The following OR51B5 variants were observed in gnomAD, a reference collection of about 807,000 sequenced individuals.
OR51B5 encodes olfactory receptor family 51 subfamily B member 5.
For synonymous variants in OR51B5, 186 were observed against 144.8 expected, an observed-to-expected ratio of 1.28 and a Z score of -2.04; for missense variants, 456 against 374.6, an observed-to-expected ratio of 1.22 and a Z score of -1.79.
At chr11:5,415,629 C>G (rs1174202943) in intron 1 of OR51B5, among the ~76,000 whole-genome samples, 3 of 152,200 alleles carry the variant, frequency 2.0e-5, no homozygotes, top group Non-Finnish European at 4.4e-5. Flanking sequence ...AAACCACCAT[C>G]AGAGAATACT....
At chr11:5,467,554 T>G (rs1166414722) in intron 1 of OR51B5, among the ~76,000 whole-genome samples, 1 of 152,228 alleles carries the variant, frequency 6.6e-6, no homozygotes, top group Non-Finnish European at 1.5e-5. Flanking sequence ...AAAGTCCACA[T>G]ATCATTCTTT....
At chr11:5,389,799 G>C (rs377036532) in intron 1 of OR51B5, 9 of 1,613,848 alleles carry the variant, frequency 5.6e-6, no homozygotes, top group Non-Finnish European at 7.6e-6. Context: ...TCCTTTGACC[G>C]CCTTGTGGCC....
rs1449689305 is a variant in OR51B5 at position 5,489,582 on chromosome 11, T to A, written n.84+15987A>T. On this transcript the variant is annotated intron_variant and non_coding_transcript_variant, in intron 1 of 4. Coordinates refer to the OR51B5 transcript ENST00000415970. ...ATGTGCTGGTGCCTCCTGTACTCAATCCTATTCTCTATGGAGCTAGAACCA... is the reference window on the plus strand; with the variant it reads ...ATGTGCTGGTGCCTCCTGTACTCAAACCTATTCTCTATGGAGCTAGAACCA... The A allele has an allele frequency of 1.7e-5, 27 of 1,613,936 alleles. No homozygotes were observed. The highest frequency in any genetic ancestry group is 2.7e-5 in the African/African-American group (2 of 74,916).
intron 1 of OR51B5, chr11:5,352,565 C>T: frequency 1.5e-6 from 1 of 648,240 alleles, no homozygotes; most frequent in South Asian, 1.9e-5. Flanking sequence ...CTGAGCATTT[C>T]AGTGGAAATC....
chr11:5,487,099 ACT>A (rs1198193407), intron 1 of OR51B5, among the ~76,000 whole-genome samples: 2 of 152,118 alleles, frequency 1.3e-5, no homozygotes, highest in African/African-American at 4.8e-5. Context: ...AAAACGCCAA[ACT>A]CTGAATCAAG....
intron 1 of OR51B5, among the ~76,000 whole-genome samples, chr11:5,468,266 G>C (rs2133799088): frequency 6.6e-6 from 1 of 152,364 alleles, no homozygotes; most frequent in Non-Finnish European, 1.5e-5. Flanking sequence ...TCTGAGAGAA[G>C]TCACTTGTGG....
intron 1 of OR51B5, among the ~76,000 whole-genome samples, chr11:5,373,073 T>G (rs1001934513): frequency 6.6e-6 from 1 of 152,200 alleles, no homozygotes; most frequent in Non-Finnish European, 1.5e-5. Flanking sequence ...AGGGGAAGGA[T>G]AGTCTCCTCA....
intron 1 of OR51B5, among the ~76,000 whole-genome samples, chr11:5,378,029 CT>C (rs146072806): frequency 0.24 from 35,848 of 151,890 alleles, 4,448 homozygotes; most frequent in Non-Finnish European, 0.26. Flanking sequence ...AAGAACAAAG[CT>C]GGAGGCATCA....
intron 1 of OR51B5, among the ~76,000 whole-genome samples, chr11:5,470,001 A>G (rs552635539): frequency 1.3e-5 from 2 of 152,302 alleles, no homozygotes; most frequent in Non-Finnish European, 2.9e-5. Flanking sequence ...AGAATGTCAC[A>G]TTCCTCCACA....
At chr11:5,396,848 A>T (rs1849880236) in intron 1 of OR51B5, among the ~76,000 whole-genome samples, 1 of 152,234 alleles carries the variant, frequency 6.6e-6, no homozygotes, top group Non-Finnish European at 1.5e-5. Context: ...ACTGGTACCA[A>T]AACAGAGATA....
At chr11:5,496,011 C>A (rs1851645698) in intron 1 of OR51B5, among the ~76,000 whole-genome samples, 1 of 152,074 alleles carries the variant, frequency 6.6e-6, no homozygotes, top group South Asian at 2.1e-4. Flanking sequence ...AGCAACCCAC[C>A]CCTCACCAAG....
chr11:5,441,553 G>A, intron 1 of OR51B5: 1 of 1,488,874 alleles, frequency 6.7e-7, no homozygotes, highest in Middle Eastern at 2.0e-4. Flanking sequence ...CCAAGAGGGT[G>A]TGTTGGGAAA....
chr11:5,349,307 C>A (rs1361027524), intron 1 of OR51B5, among the ~76,000 whole-genome samples: 1 of 151,122 alleles, frequency 6.6e-6, no homozygotes, highest in Admixed American at 6.6e-5. Flanking sequence ...ATATAATGCC[C>A]CAGTCCAATA....
At chr11:5,471,171 A>G (rs1042304430) in intron 1 of OR51B5, among the ~76,000 whole-genome samples, 1 of 152,116 alleles carries the variant, frequency 6.6e-6, no homozygotes, top group African/African-American at 2.4e-5. Context: ...TGCATTTATT[A>G]TGTACTTGTT....
chr11:5,454,154 G>C, intron 1 of OR51B5: 6 of 1,614,100 alleles, frequency 3.7e-6, no homozygotes, highest in Non-Finnish European at 5.1e-6. Context: ...TGCTCATTCT[G>C]CGTTCTGTCA....
chr11:5,488,934 C>T (rs1204491583), intron 1 of OR51B5: 4 of 1,613,944 alleles, frequency 2.5e-6, no homozygotes, highest in Non-Finnish European at 3.4e-6. Flanking sequence ...ACCTGGCTCT[C>T]AGTTCTACCA....
At chr11:5,345,904 G>A (rs1848983025), upstream of OR51B5, 1 of 134,094 alleles carries the variant, frequency 7.5e-6, no homozygotes, top group Admixed American at 7.4e-5. Context: ...CTAGGACTGA[G>A]AGACATAAAC....
chr11:5,411,274 T>C (rs4910784), intron 1 of OR51B5, among the ~76,000 whole-genome samples: 123,680 of 152,162 alleles, frequency 0.81, 51,324 homozygotes, highest in Non-Finnish European at 0.89. Flanking sequence ...TACAAAAATA[T>C]CACTGTGTTA....
rs1435926857 is a variant in OR51B5 at position 5,343,208 on chromosome 11, G to C, written c.317C>G (p.Ser106Cys). The C allele has an allele frequency of 1.2e-6, 2 of 1,613,784 alleles. No individual in the cohort carries two copies. Among genetic ancestry groups the C allele is most frequent in the East Asian group, 4.5e-5 (2 of 44,832 alleles). The change falls in exon 1 of 1, where the codon TCC becomes TGC. Residue 106 changes from serine to cysteine, a missense_variant. Physicochemically the swap from Ser to Cys is moderately radical, Grantham distance 112. Transcript: ENST00000300773. ...AAGCAGAATGCCAGACTCGAGAAAG[G>C]AAAGTGAGTGTATAAAGTAGGCCTG...
Sources: allele counts gnomAD v4.1 joint callset (sites outside exome capture counted in the v4.1 genomes callset), GRCh38; gene constraint gnomAD v4.1.1; transcripts MANE v1.5; gene names NCBI Gene and HGNC (gene_info 2026-07-23, HGNC 2026-07-21).